Variants in RYR2 observed in about 807,000 individuals in gnomAD.
RYR2 encodes the protein ryanodine receptor 2, also known as cardiac muscle ryanodine receptor-calcium release channel.
In RYR2, 227 loss-of-function variants were observed where a neutral mutation model predicts 601.1. That is an observed-to-expected ratio of 0.38 (90% CI 0.34 to 0.42). RYR2 has a LOEUF of 0.42. Among genes scored for constraint, RYR2 ranks in the 10% least tolerant of loss-of-function variants. The probability of loss-of-function intolerance (pLI) is 1.00; values close to 1 mark genes in which losing one functional copy is unlikely to be tolerated. For synonymous variants in RYR2, 2,223 were observed against 2,175.1 expected, an observed-to-expected ratio of 1.02 and a Z score of -0.61; for missense variants, 4,646 against 6,156.5, an observed-to-expected ratio of 0.75 and a Z score of 8.21.
intron 100 of RYR2, among the ~76,000 whole-genome samples, chr1:237,813,422 G>T (rs972419271): frequency 6.6e-6 from 1 of 152,172 alleles, no homozygotes; most frequent in African/African-American, 2.4e-5. Context: ...CCTGTATCAG[G>T]TAGTGAGAAC....
intron 1 of RYR2, among the ~76,000 whole-genome samples, chr1:237,123,743 C>T (rs1671085415): frequency 2.8e-5 from 4 of 144,010 alleles, no homozygotes; most frequent in African/African-American, 1.0e-4. Context: ...TCTCGGCTCA[C>T]TGCAAGCTCC....
intron 1 of RYR2, among the ~76,000 whole-genome samples, chr1:237,165,704 AG>A (rs1261198990): frequency 1.3e-5 from 2 of 152,118 alleles, no homozygotes; most frequent in Non-Finnish European, 2.9e-5. Flanking sequence ...ATCTCTACAA[AG>A]AAACTAAAAA....
intron 10 of RYR2, among the ~76,000 whole-genome samples, chr1:237,388,718 T>C (rs1292696424): frequency 6.6e-6 from 1 of 152,186 alleles, no homozygotes; most frequent in African/African-American, 2.4e-5. Flanking sequence ...ATGAATCTAC[T>C]GAGAAAAGTG....
In RYR2 at chr1:237,585,467, T is replaced by C. The variant is rs185177330; in HGVS notation, c.3599-4326T>C. Among the ~76,000 whole-genome samples, 15 of 152,314 alleles carry C rather than the reference T, an allele frequency of 9.8e-5. No individual in the cohort carries two copies. In the East Asian group the frequency reaches 2.9e-3, roughly 29 times the overall value. Reference sequence around the variant, plus strand: ...TCATTACGCAGGATACTTTGTCATGTACTGAACAAAGGGAGGTGACGGAGG... The same window carrying C: ...TCATTACGCAGGATACTTTGTCATGCACTGAACAAAGGGAGGTGACGGAGG... On this transcript the variant is annotated intron_variant, in intron 29 of 104. Coordinates refer to ENST00000366574, the MANE Select transcript of RYR2 (RefSeq NM_001035.3).
At chr1:237,406,441 A>G (rs1399422120) in intron 10 of RYR2, among the ~76,000 whole-genome samples, 5 of 151,640 alleles carry the variant, frequency 3.3e-5, no homozygotes, top group African/African-American at 1.2e-4. Flanking sequence ...TTATATTTCT[A>G]TATACTGTTG....
At chr1:237,484,047 T>G (rs1303342331) in intron 17 of RYR2, among the ~76,000 whole-genome samples, 1 of 152,146 alleles carries the variant, frequency 6.6e-6, no homozygotes, top group African/African-American at 2.4e-5. Flanking sequence ...GCAGTTCAAT[T>G]CCTACTAATT....
intron 1 of RYR2, among the ~76,000 whole-genome samples, chr1:237,251,496 G>A (rs1046051552): frequency 2.6e-5 from 4 of 152,150 alleles, no homozygotes; most frequent in Admixed American, 2.6e-4. Flanking sequence ...GTTGGCCCCT[G>A]ACTTTCTTTC....
intron 71 of RYR2, among the ~76,000 whole-genome samples, chr1:237,715,377 C>T (rs1404845866): frequency 2.0e-5 from 3 of 152,166 alleles, no homozygotes; most frequent in Admixed American, 6.5e-5. Flanking sequence ...TTAATTTCCT[C>T]ATATGAACAG....
chr1:237,774,609 T>C (rs1460235311), intron 87 of RYR2, among the ~76,000 whole-genome samples: 2 of 152,150 alleles, frequency 1.3e-5, no homozygotes, highest in East Asian at 3.9e-4. Flanking sequence ...ACTTGATAAT[T>C]CTAATAACAT....
chr1:237,396,730 G>A (rs950647907), intron 10 of RYR2, among the ~76,000 whole-genome samples: 6 of 152,144 alleles, frequency 3.9e-5, no homozygotes, highest in East Asian at 3.9e-4. Context: ...AAAAGGAGAC[G>A]TTTTCCCCAG....
At chr1:237,249,523 T>C (rs1687243170) in intron 1 of RYR2, among the ~76,000 whole-genome samples, 1 of 152,236 alleles carries the variant, frequency 6.6e-6, no homozygotes, top group Admixed American at 6.5e-5. Flanking sequence ...GGTAATTATT[T>C]GATATAGTTA....
At chr1:237,392,083 A>T (rs190230017) in intron 10 of RYR2, among the ~76,000 whole-genome samples, 1 of 152,252 alleles carries the variant, frequency 6.6e-6, no homozygotes, top group African/African-American at 2.4e-5. Context: ...AGTCAGGTAT[A>T]AGGGAGAGAG....
chr1:237,270,981 A>G (rs1448582583), intron 2 of RYR2, among the ~76,000 whole-genome samples: 2 of 152,198 alleles, frequency 1.3e-5, no homozygotes, highest in Non-Finnish European at 2.9e-5. Flanking sequence ...TTTTTATAAG[A>G]TAGACTTTCA....
At position 237,643,250 on chromosome 1, in the gene RYR2, A is replaced by G. The variant is rs946033015; in HGVS notation, c.7222-77A>G. ...AAAATTATTTTGGACTTGGATTCCAATACTTCAGATTTCCTAGACAGAATT... is the reference window on the plus strand; with the variant it reads ...AAAATTATTTTGGACTTGGATTCCAGTACTTCAGATTTCCTAGACAGAATT... On this transcript the variant is annotated intron_variant, in intron 47 of 104. Coordinates refer to ENST00000366574, the MANE Select transcript of RYR2 (RefSeq NM_001035.3). 5.8e-6 allele frequency: 9 copies of G among 1,559,044 alleles called. No individual in the cohort carries two copies. In the Admixed American group the frequency reaches 1.4e-4, roughly 25 times the overall value.
intron 14 of RYR2, among the ~76,000 whole-genome samples, chr1:237,447,469 T>G (rs1657509324): frequency 6.6e-6 from 1 of 152,230 alleles, no homozygotes; most frequent in Non-Finnish European, 1.5e-5. Context: ...TCTGCTTTAT[T>G]AAATCTTGAA....
chr1:237,561,176 A>C (rs541600431), intron 27 of RYR2, among the ~76,000 whole-genome samples: 2 of 152,206 alleles, frequency 1.3e-5, no homozygotes, highest in Non-Finnish European at 2.9e-5. Flanking sequence ...GAATTTAGAG[A>C]TAGAGCCACT....
At chr1:237,733,785 G>T in intron 79 of RYR2, 29 bp downstream of exon 79, 1 of 1,450,700 alleles carries the variant, frequency 6.9e-7, no homozygotes. Context: ...TGATTTTCAT[G>T]TTTAATTTTA....
chr1:237,696,689 G>A (rs768654523), intron 63 of RYR2, among the ~76,000 whole-genome samples: 49 of 135,282 alleles, frequency 3.6e-4, no homozygotes, highest in South Asian at 1.1e-3. Context: ...GCTTCTTCTC[G>A]TTCTCTTTCT....
At position 237,656,928 on chromosome 1, in the gene RYR2, C is replaced by T. The variant is rs79450580; in HGVS notation, c.8129+944C>T. ...TATGATTGATCTTTTGTATCTCTTC[C>T]GAAGTAAGTAAACCAAACTATCACA... On this transcript the variant is annotated intron_variant, in intron 53 of 104. Coordinates refer to ENST00000366574, the MANE Select transcript of RYR2 (RefSeq NM_001035.3). Among the ~76,000 whole-genome samples the T allele has an allele frequency of 8.5e-3, 1,287 of 152,264 alleles. 17 individuals carry two copies. Among genetic ancestry groups the T allele is most frequent in the African/African-American group, 0.029 (1,197 of 41,548 alleles).
Sources: gnomAD v4.1 joint callset for allele counts (sites outside exome capture counted in the v4.1 genomes callset) on GRCh38, gnomAD v4.1.1 for gene constraint, MANE v1.5 for transcripts, NCBI Gene and HGNC (gene_info 2026-07-23, HGNC 2026-07-21) for gene names.